The following WNK2 variants were observed in gnomAD, a reference collection of about 807,000 sequenced individuals.
The protein encoded by WNK2 is WNK lysine deficient protein kinase 2.
Under a neutral mutation model 192.1 loss-of-function variants are expected in WNK2, and 67 were observed. The observed-to-expected ratio is 0.35, with a 90% CI of 0.29 to 0.43. The LOEUF (loss-of-function observed/expected upper bound fraction) is 0.43. WNK2 is among the 20% of genes least tolerant of loss of function. WNK2 has a pLI of 1.00. For missense variants in WNK2, 2,698 were observed against 3,089.7 expected, an observed-to-expected ratio of 0.87 and a Z score of 3.01; for synonymous variants, 1,439 against 1,393.9, an observed-to-expected ratio of 1.03 and a Z score of -0.72.
At chr9:93,317,838 C>T (rs561527347) in intron 29 of WNK2, 138 of 1,510,942 alleles carry the variant, frequency 9.1e-5, no homozygotes, top group African/African-American at 6.9e-4. Context: ...CCCCCGGCTG[C>T]GGATCACGTA....
At chr9:93,240,010 AG>A in intron 7 of WNK2, 34 bp downstream of exon 7, 1 of 1,582,940 alleles carries the variant, frequency 6.3e-7, no homozygotes, top group Middle Eastern at 1.7e-4. Flanking sequence ...AGGTGGGTGC[AG>A]GTGTTGGCAG....
intron 2 of WNK2, among the ~76,000 whole-genome samples, chr9:93,219,922 G>A (rs747087240): frequency 5.1e-4 from 77 of 152,244 alleles, no homozygotes; most frequent in Non-Finnish European, 1.1e-3. Flanking sequence ...GGCGCATCCA[G>A]GCCCCACCCT....
In WNK2 at chr9:93,195,699, CAA is replaced by C. The variant is rs59357990; in HGVS notation, c.681+10113_681+10114del. On this transcript the variant is annotated intron_variant, in intron 2 of 29. Coordinates refer to ENST00000427277, the MANE Select transcript of WNK2 (RefSeq NM_006648.4). Reference sequence around the variant, plus strand: ...GGGCAACAGAGTAAAGACTTTGTCTCAAAAAAAAAAAAAAAAAAAAAAAAAGA... The same window carrying C: ...GGGCAACAGAGTAAAGACTTTGTCTCAAAAAAAAAAAAAAAAAAAAAAAGA... Among the ~76,000 whole-genome samples, 366 of 41,626 alleles carry C rather than the reference CAA, an allele frequency of 8.8e-3. 1 individual carries two copies. Among genetic ancestry groups the C allele is most frequent in the Middle Eastern group, 0.052 (3 of 58 alleles). The allele number at this position is 41,626 out of a possible 152,430, so 27.3% of individuals were successfully genotyped here.
intron 7 of WNK2, among the ~76,000 whole-genome samples, chr9:93,242,195 G>T (rs571677585): frequency 6.6e-6 from 1 of 152,126 alleles, no homozygotes; most frequent in Non-Finnish European, 1.5e-5. Context: ...GTGGGGTGGC[G>T]CCCAGGCTGG....
At chr9:93,206,780 A>G (rs1328502270) in intron 2 of WNK2, among the ~76,000 whole-genome samples, 1 of 152,124 alleles carries the variant, frequency 6.6e-6, no homozygotes, top group African/African-American at 2.4e-5. Context: ...CCAGGCCTAG[A>G]GTGACACCTG....
chr9:93,293,196 G>A, intron 23 of WNK2, 23 bp downstream of exon 23: 1 of 1,431,864 alleles, frequency 7.0e-7, no homozygotes, highest in Non-Finnish European at 9.1e-7. Flanking sequence ...GGCAGGAAGT[G>A]TTGCCCCCGC....
rs1374306804 is a variant in WNK2, at chr9:93,318,106, A to G, written c.6628+475A>G. ...GGTTAGAACCTTGTCGTCACCCTGCAGAAGTACAGTGCCTTGAATGCCAGC... is the reference window on the plus strand; with the variant it reads ...GGTTAGAACCTTGTCGTCACCCTGCGGAAGTACAGTGCCTTGAATGCCAGC... On this transcript the variant is annotated intron_variant, in intron 29 of 29. Transcript: ENST00000427277. 6 of 1,578,170 alleles carry G rather than the reference A, an allele frequency of 3.8e-6. 1 individual carries two copies. Among genetic ancestry groups the G allele is most frequent in the Non-Finnish European group, 5.2e-6 (6 of 1,160,018 alleles).
chr9:93,227,183 G>A (rs1199525417), intron 2 of WNK2, among the ~76,000 whole-genome samples: 2 of 150,598 alleles, frequency 1.3e-5, no homozygotes, highest in Admixed American at 6.6e-5. Flanking sequence ...GCACAATCTC[G>A]GCTCACTGCA....
In WNK2 at chr9:93,197,428, C is replaced by T. The variant is rs113598387; in HGVS notation, c.681+11818C>T. On this transcript the variant is annotated intron_variant, in intron 2 of 29. Transcript: ENST00000427277. ...CATGTCAATTTCAATCCAGAACAGT[C>T]CCTCTGCCTTTTATTATTACTGTTC... Among the ~76,000 whole-genome samples the T allele has an allele frequency of 2.8e-3, 423 of 152,328 alleles. 3 individuals are homozygous for T. Among genetic ancestry groups the T allele is most frequent in the African/African-American group, 9.6e-3 (400 of 41,574 alleles).
chr9:93,240,568 A>G (rs368326739), intron 7 of WNK2, among the ~76,000 whole-genome samples: 5 of 152,140 alleles, frequency 3.3e-5, no homozygotes, highest in South Asian at 2.1e-4. Flanking sequence ...TCGAGGCCTC[A>G]TTGGAGGGGG....
intron 19 of WNK2, among the ~76,000 whole-genome samples, chr9:93,270,403 C>T (rs886389977): frequency 2.0e-5 from 3 of 152,226 alleles, no homozygotes; most frequent in African/African-American, 4.8e-5. Flanking sequence ...AGAGAAAGCA[C>T]ACACATCCAT....
intron 18 of WNK2, 62 bp downstream of exon 18, chr9:93,268,127 A>G (rs1845460309): frequency 6.4e-6 from 10 of 1,554,662 alleles, no homozygotes; most frequent in Non-Finnish European, 8.7e-6. Flanking sequence ...CCCACTCAGC[A>G]TATTACCAGG....
At chr9:93,318,978 T>A (rs747149803) in intron 29 of WNK2, 4 of 1,471,678 alleles carry the variant, frequency 2.7e-6, no homozygotes, top group Non-Finnish European at 2.7e-6. Context: ...TCAGTTAGAA[T>A]TGAATTTTCT....
At chr9:93,210,720 C>T (rs1834346769) in intron 2 of WNK2, among the ~76,000 whole-genome samples, 1 of 152,204 alleles carries the variant, frequency 6.6e-6, no homozygotes, top group South Asian at 2.1e-4. Context: ...GGCAGGCCTG[C>T]TGCCTGAGGG....
chr9:93,259,156 G>T lies in WNK2; in HGVS notation c.2608G>T (p.Ala870Ser). 6.2e-7 allele frequency: 1 copy of T among 1,611,990 alleles called. No individual in the cohort carries two copies. The highest frequency in any genetic ancestry group is 1.1e-5 in the South Asian group (1 of 91,018). ...GCCCCACCCCCCTGGGGCGCCCCTG[G>T]CCATGCCCTGCCGGACCATTGTGCC... ...KLPHPPGAPL[A>S]MPCRTIVPNA... Residue 870 changes from alanine to serine, a missense_variant, in exon 12 of 30, where the codon GCC becomes TCC. Transcript: ENST00000427277. This position sits in a 1 kb window ranked among gnomAD's most constrained non-coding sequence, Gnocchi z 4.8.
In WNK2 at chr9:93,257,888, G is replaced by A. The variant is rs1261589976; in HGVS notation, c.2382+749G>A. Among the ~76,000 whole-genome samples the A allele has an allele frequency of 6.6e-6, 1 of 152,220 alleles. No homozygotes were observed. Among genetic ancestry groups the A allele is most frequent in the Admixed American group, 6.5e-5 (1 of 15,286 alleles). Reference sequence around the variant, plus strand: ...CCGGGGCCAGGGCACCATTGCCCAGGTAAATGGCATGGAGGATTCTAGGTA... The same window carrying A: ...CCGGGGCCAGGGCACCATTGCCCAGATAAATGGCATGGAGGATTCTAGGTA... On this transcript the variant is annotated intron_variant, in intron 11 of 29. Transcript: ENST00000427277. This position sits in a 1 kb window ranked among gnomAD's most constrained non-coding sequence, Gnocchi z 4.7.
At chr9:93,219,067 C>T (rs1220029894) in intron 2 of WNK2, among the ~76,000 whole-genome samples, 2 of 152,230 alleles carry the variant, frequency 1.3e-5, no homozygotes, top group African/African-American at 2.4e-5. Flanking sequence ...CTCAGCTGCC[C>T]GTGTTAAGCC....
At chr9:93,290,716 G>C (rs553092989) in intron 21 of WNK2, among the ~76,000 whole-genome samples, 7 of 151,634 alleles carry the variant, frequency 4.6e-5, no homozygotes, top group African/African-American at 1.5e-4. Context: ...GCAGTGCGGT[G>C]GGGGGGGCGC....
intron 4 of WNK2, among the ~76,000 whole-genome samples, chr9:93,231,417 G>A (rs1009981018): frequency 1.3e-5 from 2 of 152,214 alleles, no homozygotes; most frequent in Admixed American, 6.5e-5. Context: ...GTTTCCCTCC[G>A]TGGCTGTGGC....
Sources: allele counts gnomAD v4.1 joint callset (sites outside exome capture counted in the v4.1 genomes callset), GRCh38; gene constraint gnomAD v4.1.1; non-coding constraint Gnocchi (gnomAD v3.1); transcripts MANE v1.5; gene names NCBI Gene and HGNC (gene_info 2026-07-23, HGNC 2026-07-21).